The following TMEM74B variants were observed in gnomAD, a reference collection of about 807,000 sequenced individuals.
TMEM74B encodes the protein transmembrane protein 74B.
In TMEM74B, 7 loss-of-function variants were observed where a neutral mutation model predicts 6.5. The observed-to-expected ratio is 1.07, with a 90% CI of 0.61 to 2.01. TMEM74B has a LOEUF of 2.01. TMEM74B is among the 30% of genes most tolerant of loss of function. TMEM74B has a pLI of 0.00. For missense variants in TMEM74B, 342 were observed against 337.0 expected, an observed-to-expected ratio of 1.01 and a Z score of -0.12; for synonymous variants, 151 against 151.6, an observed-to-expected ratio of 1.00 and a Z score of 0.03.
In TMEM74B at chr20:1,184,937, A is replaced by AC. The variant is rs1346624232; in HGVS notation, c.-784dup. On this transcript the variant is annotated 5_prime_UTR_variant, in exon 1 of 3. Transcript: ENST00000429036. This position sits in a 1 kb window ranked among gnomAD's most constrained non-coding sequence, Gnocchi z 6.0. ...GCCCGCTCCCGCCGGCCCAGTCCACACCCCCTGCTCCTGCCCTTGCCCACA... is the reference window on the plus strand; with the variant it reads ...GCCCGCTCCCGCCGGCCCAGTCCACACCCCCCTGCTCCTGCCCTTGCCCACA... Among the ~76,000 whole-genome samples, 4 of 151,858 alleles carry AC rather than the reference A, an allele frequency of 2.6e-5. No individual in the cohort carries two copies. The highest frequency in any genetic ancestry group is 2.6e-4 in the Admixed American group (4 of 15,288).
rs2086957392 is a variant in TMEM74B at position 1,184,287 on chromosome 20, G to T, written c.-148+15C>A. On this transcript the variant is annotated intron_variant, in intron 1 of 2. Transcript: ENST00000429036. This position sits in a 1 kb window ranked among gnomAD's most constrained non-coding sequence, Gnocchi z 6.0. ...CCACAGTGAGAGGGCAGAGAAAAAT[G>T]AGGATTCCTCTCACCCAGAGTTAGG... is the stretch of plus-strand genomic sequence containing the variant. The T allele has an allele frequency of 6.5e-6, 1 of 153,888 alleles. No homozygotes were observed. Among genetic ancestry groups the T allele is most frequent in the Non-Finnish European group, 1.4e-5 (1 of 69,356 alleles). The allele number at this position is 153,888 out of a possible 1,614,324, so 9.5% of individuals were successfully genotyped here.
upstream of TMEM74B, among the ~76,000 whole-genome samples, chr20:1,187,398 T>A (rs533817199): frequency 2.0e-4 from 31 of 152,294 alleles, no homozygotes; most frequent in South Asian, 6.0e-3. Flanking sequence ...AAGTGCTCAC[T>A]GAATAAAGAA....
In TMEM74B at chr20:1,181,681, G is replaced by A; in HGVS notation, c.32-94C>T. The A allele has an allele frequency of 7.5e-7, 1 of 1,340,686 alleles. No homozygotes were observed. Among genetic ancestry groups the A allele is most frequent in the Non-Finnish European group, 9.6e-7 (1 of 1,039,218 alleles). 83.0% of individuals were successfully genotyped at this position (1,340,686 alleles called of 1,614,324 possible). ...TCCCTAAGCACATGAAGGTGAGTCA[G>A]GCACAATTCCCACTTGGGGGTGTCT... On this transcript the variant is annotated intron_variant, in intron 2 of 2. Transcript: ENST00000429036. The surrounding 1 kb of genome is among the most constrained non-coding windows in gnomAD (Gnocchi z 4.9).
chr20:1,187,316 T>G (rs1380648231), upstream of TMEM74B, among the ~76,000 whole-genome samples: 1 of 152,124 alleles, frequency 6.6e-6, no homozygotes, highest in African/African-American at 2.4e-5. Flanking sequence ...AAGAAGAGGG[T>G]TTTTGCCTGT....
intron 2 of TMEM74B, among the ~76,000 whole-genome samples, chr20:1,183,294 GTGTGTGTGTGTGTGTGTGTGTT>G (rs2086922476): frequency 7.8e-6 from 1 of 128,326 alleles, no homozygotes; most frequent in East Asian, 2.7e-4. Context: ...CGTTCTCTGT[GTGTGTGTGTGTGTGTGTGTGTT>G]TGTGTGTGTG....
upstream of TMEM74B, among the ~76,000 whole-genome samples, chr20:1,188,587 C>T (rs111787318): frequency 6.7e-6 from 1 of 149,554 alleles, no homozygotes; most frequent in Non-Finnish European, 1.5e-5. Context: ...GCACTACACA[C>T]ACACCATACA....
chr20:1,184,917 C>T lies in TMEM74B; in HGVS notation c.-763G>A, dbSNP rs1319077375. 6.6e-6 allele frequency among the ~76,000 whole-genome samples: 1 copy of T among 152,218 alleles called. No homozygotes were observed. Among genetic ancestry groups the T allele is most frequent in the Non-Finnish European group, 1.5e-5 (1 of 68,038 alleles). ...GCACGCCGGCTGCCCACCGCGCCCG[C>T]TCCCGCCGGCCCAGTCCACACCCCC... On this transcript the variant is annotated 5_prime_UTR_variant, in exon 1 of 3. Transcript: ENST00000429036. The surrounding 1 kb of genome is among the most constrained non-coding windows in gnomAD (Gnocchi z 6.0).
intron 2 of TMEM74B, among the ~76,000 whole-genome samples, chr20:1,183,285 G>C (rs570303033): frequency 7.8e-6 from 1 of 128,082 alleles, no homozygotes; most frequent in Non-Finnish European, 1.7e-5. Context: ...ACTGTGGTTC[G>C]TTCTCTGTGT....
chr20:1,181,927 C>G lies in TMEM74B; in HGVS notation c.32-340G>C, dbSNP rs1357624738. 6.6e-6 allele frequency among the ~76,000 whole-genome samples: 1 copy of G among 152,162 alleles called. No individual in the cohort carries two copies. The highest frequency in any genetic ancestry group is 1.5e-5 in the Non-Finnish European group (1 of 68,040). ...TACGAAGTACTCAGAACACTAAGTG[C>G]TCAAAGTTAGCGATGAGTTCCTATT... is the stretch of plus-strand genomic sequence containing the variant. On this transcript the variant is annotated intron_variant, in intron 2 of 2. Coordinates refer to ENST00000429036, the MANE Select transcript of TMEM74B (RefSeq NM_001304748.2). The surrounding 1 kb of genome is among the most constrained non-coding windows in gnomAD (Gnocchi z 4.9).
In TMEM74B at chr20:1,183,858, C is replaced by T. The variant is rs557851443; in HGVS notation, c.-57G>A. On this transcript the variant is annotated 5_prime_UTR_variant, in exon 2 of 3. Coordinates refer to ENST00000429036, the MANE Select transcript of TMEM74B (RefSeq NM_001304748.2). The stretch of plus-strand genomic sequence containing the variant: ...CTCACTCATAGACTCTTCATTTTAT[C>T]CAGCTGTTTATCAGCAACCGTGAGC... 73 of 1,606,218 alleles carry T rather than the reference C, an allele frequency of 4.5e-5. No homozygotes were observed. The highest frequency in any genetic ancestry group is 6.0e-5 in the Non-Finnish European group (71 of 1,175,802).
At position 1,181,755 on chromosome 20, in the gene TMEM74B, A is replaced by G. The variant is rs1476987519; in HGVS notation, c.32-168T>C. Reference sequence around the variant, plus strand: ...AATAAGACGATGACAGAACAGTGTGATCCAAGCCCAGATCCCACTCTACCA... The same window carrying G: ...AATAAGACGATGACAGAACAGTGTGGTCCAAGCCCAGATCCCACTCTACCA... On this transcript the variant is annotated intron_variant, in intron 2 of 2. Transcript: ENST00000429036. This position sits in a 1 kb window ranked among gnomAD's most constrained non-coding sequence, Gnocchi z 4.9. Among the ~76,000 whole-genome samples, 1 of 152,190 alleles carries G rather than the reference A, an allele frequency of 6.6e-6. No homozygotes were observed. Among genetic ancestry groups the G allele is most frequent in the Non-Finnish European group, 1.5e-5 (1 of 68,024 alleles).
At position 1,180,988 on chromosome 20, in the gene TMEM74B, CG is replaced by C; in HGVS notation, c.630del (p.Phe210LeufsTer18). On this transcript the variant is annotated frameshift_variant, in exon 3 of 3. Coordinates refer to ENST00000429036, the MANE Select transcript of TMEM74B (RefSeq NM_001304748.2). LOFTEE classifies it low-confidence loss of function (END_TRUNC). The surrounding 1 kb of genome is among the most constrained non-coding windows in gnomAD (Gnocchi z 6.1). ...GTCTTCCTGGAGCCCTTGCCGGGGACGAAGGTCCTCCGGCGGTACAGCTCGC... is the reference window on the plus strand; with the variant it reads ...GTCTTCCTGGAGCCCTTGCCGGGGACAAGGTCCTCCGGCGGTACAGCTCGC... Reference protein sequence around the residue: ...CKGELYRRRTFVPGKGSRKTY... With the variant: ...CKGELYRRRTXVPGKGSRKTY... 6.2e-7 allele frequency: 1 copy of C among 1,614,090 alleles called. No individual in the cohort carries two copies. The highest frequency in any genetic ancestry group is 8.5e-7 in the Non-Finnish European group (1 of 1,180,004).
At chr20:1,186,038 G>A (rs1334516227), upstream of TMEM74B, 1 of 152,164 alleles carries the variant, frequency 6.6e-6, no homozygotes, top group Non-Finnish European at 1.5e-5. Flanking sequence ...GTTCTCCTGG[G>A]GGCATTGCCA....
upstream of TMEM74B, among the ~76,000 whole-genome samples, chr20:1,188,156 AC>A (rs1325129306): frequency 1.7e-4 from 12 of 71,106 alleles, no homozygotes; most frequent in South Asian, 1.7e-3. Context: ...TATATATAAT[AC>A]ACACACACAC....
chr20:1,181,546 T>G lies in TMEM74B; in HGVS notation c.73A>C (p.Met25Leu). 6.8e-7 allele frequency: 1 copy of G among 1,474,448 alleles called. No homozygotes were observed. The highest frequency in any genetic ancestry group is 9.0e-7 in the Non-Finnish European group (1 of 1,116,764). 91.3% of individuals were successfully genotyped at this position (1,474,448 alleles called of 1,614,324 possible). The change falls in exon 3 of 3, where the codon ATG becomes CTG. Residue 25 changes from methionine to leucine, a missense_variant. Physicochemically the swap from Met to Leu is conservative, Grantham distance 15. Coordinates refer to ENST00000429036, the MANE Select transcript of TMEM74B (RefSeq NM_001304748.2). The surrounding 1 kb of genome is among the most constrained non-coding windows in gnomAD (Gnocchi z 4.9). ...PRDELGPSFP[M>L]ASPPGLELKT... ...AGTTCCAGACCAGGGGGAGATGCCA[T>G]TGGGAAGGAGGGCCCCAGCTCATCC...
In TMEM74B at chr20:1,180,878, T is replaced by C; in HGVS notation, c.741A>G (p.Ser247=). The change falls in exon 3 of 3, where the codon TCA becomes TCG. Residue 247 remains serine, a synonymous_variant. Transcript: ENST00000429036. The surrounding 1 kb of genome is among the most constrained non-coding windows in gnomAD (Gnocchi z 6.1). ...ALVENEVVQV[S]ETSHTLQRS ...ACCTCTGGAGGGTGTGGCTAGTCTC[T>C]GAGACCTGGACAACTTCATTCTCCA... The C allele has an allele frequency of 6.2e-7, 1 of 1,605,332 alleles. No homozygotes were observed. The highest frequency in any genetic ancestry group is 1.3e-5 in the African/African-American group (1 of 74,812).
At chr20:1,182,806 A>G (rs934345387) in intron 2 of TMEM74B, among the ~76,000 whole-genome samples, 1 of 152,208 alleles carries the variant, frequency 6.6e-6, no homozygotes, top group Non-Finnish European at 1.5e-5. Flanking sequence ...TTTGGCTGAT[A>G]GAAGTTTTGC....
chr20:1,182,735 G>A (rs1333036513), intron 2 of TMEM74B, among the ~76,000 whole-genome samples: 6 of 152,158 alleles, frequency 3.9e-5, no homozygotes, highest in African/African-American at 1.4e-4. Context: ...AACCCACCCA[G>A]ACACAGACAG....
In TMEM74B at chr20:1,184,760, C is replaced by G. The variant is rs940480826; in HGVS notation, c.-606G>C. ...GACACCCGGAGAGAGGGACGCACAG[C>G]GGCTGTGGGTGAAGCTTCACAAAAC... On this transcript the variant is annotated 5_prime_UTR_variant, in exon 1 of 3. Transcript: ENST00000429036. This position sits in a 1 kb window ranked among gnomAD's most constrained non-coding sequence, Gnocchi z 6.0. 2 of 152,330 alleles carry G rather than the reference C, an allele frequency of 1.3e-5. No individual in the cohort carries two copies. The highest frequency in any genetic ancestry group is 4.8e-5 in the African/African-American group (2 of 41,436). The allele number at this position is 152,330 out of a possible 1,614,324, so 9.4% of individuals were successfully genotyped here. A position where few individuals can be genotyped will look rare whatever the true frequency, so the allele number is the denominator to read the frequency against.
Sources: allele counts gnomAD v4.1 joint callset (sites outside exome capture counted in the v4.1 genomes callset), GRCh38; gene constraint gnomAD v4.1.1; non-coding constraint Gnocchi (gnomAD v3.1); transcripts MANE v1.5; gene names NCBI Gene and HGNC (gene_info 2026-07-23, HGNC 2026-07-21).